ZBTB20: variants seen among roughly 807,000 people sequenced by gnomAD.
ZBTB20 encodes zinc finger and BTB domain-containing protein 20.
ZBTB20 carries 9 observed loss-of-function variants against 56.9 expected under a neutral mutation model. The ratio of observed to expected loss-of-function variants is 0.16; its 90% CI spans 0.10 to 0.28. The LOEUF is 0.28. Among genes scored for constraint, ZBTB20 ranks in the 10% least tolerant of loss-of-function variants. ZBTB20 has a pLI of 1.00. For synonymous variants in ZBTB20, 417 were observed against 420.7 expected, an observed-to-expected ratio of 0.99 and a Z score of 0.11; for missense variants, 655 against 1,003.0, an observed-to-expected ratio of 0.65 and a Z score of 4.69.
chr3:114,913,693 T>C (rs1330087500), intron 3 of ZBTB20, among the ~76,000 whole-genome samples: 1 of 151,984 alleles, frequency 6.6e-6, no homozygotes, highest in African/African-American at 2.4e-5. Flanking sequence ...TGTTTTTTTT[T>C]TCAGTAGTGT....
At position 114,991,752 on chromosome 3, in the gene ZBTB20, G is replaced by T. The variant is rs2078820534; in HGVS notation, c.-506-17336C>A. Among the ~76,000 whole-genome samples, 5 of 152,130 alleles carry T rather than the reference G, an allele frequency of 3.3e-5. No individual in the cohort carries two copies. The South Asian group carries it at 1.0e-3, about 32-fold the overall frequency. ...ATGTGGGAGTCTAAGTCTCTTTGTA[G>T]GTCTCTAAGGACTTGCTTTATGAAT... On this transcript the variant is annotated intron_variant, in intron 2 of 11. Transcript: ENST00000675478.
intron 2 of ZBTB20, among the ~76,000 whole-genome samples, chr3:115,059,563 A>G (rs2081942731): frequency 6.6e-6 from 1 of 152,196 alleles, no homozygotes; most frequent in Non-Finnish European, 1.5e-5. Flanking sequence ...AGGTTTACCC[A>G]AAGTATGCAC....
intron 3 of ZBTB20, among the ~76,000 whole-genome samples, chr3:114,970,742 G>A (rs930353831): frequency 6.6e-6 from 1 of 152,116 alleles, no homozygotes; most frequent in African/African-American, 2.4e-5. Flanking sequence ...GCAGCCGGGG[G>A]CGGTGGCTCA....
chr3:114,833,410 C>A (rs959453608), intron 4 of ZBTB20, among the ~76,000 whole-genome samples: 1 of 152,022 alleles, frequency 6.6e-6, no homozygotes, highest in Non-Finnish European at 1.5e-5. Context: ...AATACAAATG[C>A]CTTTGAAGAA....
At chr3:114,840,694 A>G (rs900409719) in intron 4 of ZBTB20, among the ~76,000 whole-genome samples, 2 of 152,296 alleles carry the variant, frequency 1.3e-5, no homozygotes, top group Non-Finnish European at 2.9e-5. Context: ...GAGTAGTCAA[A>G]TTCATACCCA....
chr3:114,610,601 G>A (rs1285865750), intron 6 of ZBTB20, among the ~76,000 whole-genome samples: 3 of 152,176 alleles, frequency 2.0e-5, no homozygotes, highest in Admixed American at 2.0e-4. Flanking sequence ...AGGAGAGGTT[G>A]GCATTTAAGA....
chr3:114,622,165 ATG>A (rs951394063), intron 6 of ZBTB20, among the ~76,000 whole-genome samples: 6 of 152,108 alleles, frequency 3.9e-5, no homozygotes, highest in Admixed American at 2.0e-4. Context: ...ACCAGAAACT[ATG>A]AGACAGTTTT....
chr3:114,555,691 G>T (rs1053333817), intron 6 of ZBTB20, among the ~76,000 whole-genome samples: 3 of 152,100 alleles, frequency 2.0e-5, no homozygotes, highest in Non-Finnish European at 4.4e-5. Context: ...TCAGGCATGG[G>T]ATAATGCTCC....
intron 5 of ZBTB20, among the ~76,000 whole-genome samples, chr3:114,794,989 A>G (rs2071242325): frequency 6.6e-6 from 1 of 152,152 alleles, no homozygotes; most frequent in South Asian, 2.1e-4. Flanking sequence ...GCATCTCTAC[A>G]TTACACAACA....
At chr3:114,582,332 C>T (rs369405491) in intron 6 of ZBTB20, 1 of 151,858 alleles carries the variant, frequency 6.6e-6, no homozygotes, top group Non-Finnish European at 1.5e-5. Flanking sequence ...TTCGTTTAAC[C>T]TGGGTTCTGG....
At chr3:114,733,384 T>G (rs548936746) in intron 5 of ZBTB20, among the ~76,000 whole-genome samples, 140 of 152,276 alleles carry the variant, frequency 9.2e-4, no homozygotes, top group African/African-American at 3.2e-3. Context: ...TTTTTCTAGT[T>G]CCGGTTGCTC....
At chr3:115,031,756 T>C (rs1343404159) in intron 2 of ZBTB20, among the ~76,000 whole-genome samples, 3 of 151,516 alleles carry the variant, frequency 2.0e-5, no homozygotes, top group Non-Finnish European at 4.4e-5. Context: ...CAATTGACAT[T>C]GCACAGGAAA....
intron 1 of ZBTB20, among the ~76,000 whole-genome samples, chr3:115,146,750 G>A (rs532647613): frequency 2.0e-5 from 3 of 152,184 alleles, no homozygotes; most frequent in East Asian, 1.9e-4. Context: ...GGGGGCAGAA[G>A]ACAAGCGGGC....
intron 4 of ZBTB20, among the ~76,000 whole-genome samples, chr3:114,815,521 T>C (rs1377699929): frequency 6.6e-6 from 1 of 152,210 alleles, no homozygotes; most frequent in Non-Finnish European, 1.5e-5. Flanking sequence ...TTTTTACTAT[T>C]TGGTATTGTG....
At chr3:114,491,573 C>T (rs1356670170) in intron 7 of ZBTB20, among the ~76,000 whole-genome samples, 2 of 152,098 alleles carry the variant, frequency 1.3e-5, no homozygotes, top group South Asian at 4.2e-4. Context: ...AGATGTGTCC[C>T]TCCTTCCATC....
intron 3 of ZBTB20, among the ~76,000 whole-genome samples, chr3:114,941,009 G>T (rs2076705911): frequency 6.8e-6 from 1 of 146,336 alleles, no homozygotes; most frequent in South Asian, 2.1e-4. Flanking sequence ...CGAATTTGGT[G>T]TCATTTTTAA....
At chr3:114,345,706 G>C (rs1225991256) in intron 11 of ZBTB20, among the ~76,000 whole-genome samples, 1 of 152,116 alleles carries the variant, frequency 6.6e-6, no homozygotes, top group African/African-American at 2.4e-5. Flanking sequence ...TGTCTGGGGT[G>C]GGGGTGAAGG....
At chr3:114,344,297 ATAGAGTGGATAT>A (rs1227905093) in intron 11 of ZBTB20, among the ~76,000 whole-genome samples, 1 of 152,220 alleles carries the variant, frequency 6.6e-6, no homozygotes. Flanking sequence ...AATTTTGTGA[ATAGAGTGGATAT>A]TAACATCCCC....
At chr3:114,713,787 A>G (rs1205105879) in intron 5 of ZBTB20, among the ~76,000 whole-genome samples, 1 of 152,222 alleles carries the variant, frequency 6.6e-6, no homozygotes, top group African/African-American at 2.4e-5. Context: ...TAAAAAAGAA[A>G]TATCTAAATT....
Sources: allele counts gnomAD v4.1 joint callset (sites outside exome capture counted in the v4.1 genomes callset), GRCh38; gene constraint gnomAD v4.1.1; transcripts MANE v1.5; gene names NCBI Gene and HGNC (gene_info 2026-07-23, HGNC 2026-07-21).